CHL1: variants seen among roughly 807,000 people sequenced by gnomAD.
CHL1 encodes the protein cell adhesion molecule L1 like.
Under a neutral mutation model 141.9 loss-of-function variants are expected in CHL1, and 96 were observed. The ratio of observed to expected loss-of-function variants is 0.68; its 90% CI spans 0.57 to 0.80. The LOEUF is 0.80. CHL1 is among the 30% of genes least tolerant of loss of function. The pLI, the probability that CHL1 is intolerant of heterozygous loss-of-function variation, is 0.00. For missense variants in CHL1, 1,820 were observed against 1,457.2 expected (o/e 1.25, Z -4.05); for synonymous variants, 613 against 502.2 (o/e 1.22, Z -2.95).
intron 16 of CHL1, among the ~76,000 whole-genome samples, chr3:380,388 G>T (rs1200621183): frequency 6.6e-6 from 1 of 152,156 alleles, no homozygotes; most frequent in Non-Finnish European, 1.5e-5. Flanking sequence ...CCATTGAAAG[G>T]CTACATTAGA....
chr3:362,684 G>A (rs1028739152), intron 13 of CHL1, among the ~76,000 whole-genome samples: 1 of 152,088 alleles, frequency 6.6e-6, no homozygotes, highest in African/African-American at 2.4e-5. Context: ...AAATCAAGCT[G>A]TAGCAGCAAG....
chr3:327,423 A>T (rs200320764), intron 4 of CHL1, among the ~76,000 whole-genome samples: 3 of 142,948 alleles, frequency 2.1e-5, no homozygotes, highest in Non-Finnish European at 3.1e-5. Flanking sequence ...AACTGTGTAC[A>T]TTTTTTTTCT....
intron 27 of CHL1, among the ~76,000 whole-genome samples, chr3:402,308 A>C (rs1709209113): frequency 6.6e-6 from 1 of 152,176 alleles, no homozygotes; most frequent in African/African-American, 2.4e-5. Context: ...TGACCAAATG[A>C]GTGAGGGTGT....
chr3:267,400 T>A (rs1695251214), intron 2 of CHL1, among the ~76,000 whole-genome samples: 1 of 152,212 alleles, frequency 6.6e-6, no homozygotes, highest in Non-Finnish European at 1.5e-5. Flanking sequence ...TGGGGTGGGG[T>A]GGAATTATTC....
intron 24 of CHL1, among the ~76,000 whole-genome samples, chr3:396,805 G>GCCT (rs1708711492): frequency 6.6e-6 from 1 of 151,754 alleles, no homozygotes; most frequent in South Asian, 2.1e-4. Flanking sequence ...ATAAGTACAG[G>GCCT]GAAAAAAATT....
rs963525045 is a variant in CHL1 at position 197,870 on chromosome 3, C to A, written c.-175+807C>A. 6.5e-5 allele frequency: 23 copies of A among 356,160 alleles called. No homozygotes were observed. The African/African-American group carries it at 7.3e-4, about 11-fold the overall frequency. The allele number at this position is 356,160 out of a possible 1,614,324, so 22.1% of individuals were successfully genotyped here. ...CCTCTTTGTGCCTCTCTCTTTCTCTCGCTTTTTTTTTTTTTTTGGAGTGTG... is the reference window on the plus strand; with the variant it reads ...CCTCTTTGTGCCTCTCTCTTTCTCTAGCTTTTTTTTTTTTTTTGGAGTGTG... On this transcript the variant is annotated intron_variant, in intron 1 of 27. Transcript: ENST00000256509.
intron 2 of CHL1, among the ~76,000 whole-genome samples, chr3:252,541 C>T (rs1003690441): frequency 4.0e-5 from 6 of 151,394 alleles, no homozygotes; most frequent in Admixed American, 6.6e-5. Context: ...ATTGTCCTTA[C>T]GTTATAGGTT....
intron 2 of CHL1, among the ~76,000 whole-genome samples, chr3:274,403 T>G (rs1011575643): frequency 6.6e-6 from 1 of 152,184 alleles, no homozygotes; most frequent in East Asian, 1.9e-4. Context: ...AGTTGAACCA[T>G]GCTCAAAAAA....
At chr3:398,954 A>C (rs1354702551) in intron 25 of CHL1, 63 bp from the exon 26 acceptor site, 1 of 1,498,922 alleles carries the variant, frequency 6.7e-7, no homozygotes, top group African/African-American at 1.4e-5. Flanking sequence ...ATTTTCCCCA[A>C]TGTTACAGAA....
At chr3:299,363 T>C (rs985809568) in intron 2 of CHL1, among the ~76,000 whole-genome samples, 3 of 152,112 alleles carry the variant, frequency 2.0e-5, no homozygotes, top group East Asian at 3.8e-4. Flanking sequence ...ATGGGCTAAG[T>C]TAGCAGCATC....
intron 10 of CHL1, among the ~76,000 whole-genome samples, chr3:353,514 A>C (rs1703442246): frequency 6.6e-6 from 1 of 152,208 alleles, no homozygotes; most frequent in South Asian, 2.1e-4. Flanking sequence ...TTTAACTTGG[A>C]ATTTAACAAT....
At chr3:400,136 G>A (rs1188444591) in intron 26 of CHL1, among the ~76,000 whole-genome samples, 1 of 152,130 alleles carries the variant, frequency 6.6e-6, no homozygotes, top group Admixed American at 6.6e-5. Context: ...AGGTTACACT[G>A]CTATTTGTTT....
intron 1 of CHL1, among the ~76,000 whole-genome samples, chr3:210,775 C>G (rs1352021432): frequency 6.6e-6 from 1 of 152,156 alleles, no homozygotes; most frequent in Non-Finnish European, 1.5e-5. Flanking sequence ...AAATATGGAG[C>G]CCTCTGTTCC....
chr3:402,775 C>G (rs1164642767), intron 27 of CHL1, among the ~76,000 whole-genome samples: 2 of 151,126 alleles, frequency 1.3e-5, no homozygotes, highest in Non-Finnish European at 2.9e-5. Flanking sequence ...TAAATTCTTT[C>G]CAGAATAAAG....
At chr3:297,564 CAT>C (rs1188276685) in intron 2 of CHL1, among the ~76,000 whole-genome samples, 1 of 152,150 alleles carries the variant, frequency 6.6e-6, no homozygotes, top group South Asian at 2.1e-4. Flanking sequence ...GAGTATACAA[CAT>C]ATTATATTTT....
At chr3:354,571 C>G in intron 10 of CHL1, 69 bp from the exon 11 acceptor site, 1 of 1,521,500 alleles carries the variant, frequency 6.6e-7, no homozygotes, top group Non-Finnish European at 8.9e-7. Context: ...AGTAGAAATA[C>G]AGGCCTTAAC....
rs7609614 is a variant in CHL1, at chr3:301,426, A to G, written c.-94-18257A>G. 3.6e-3 allele frequency among the ~76,000 whole-genome samples: 544 copies of G among 152,322 alleles called. 8 individuals carry two copies. Among genetic ancestry groups the G allele is most frequent in the African/African-American group, 0.012 (519 of 41,564 alleles). ...TAAGAGAATTCATTGCCAACCTCCT[A>G]CTGGCTGTTCTGACCCAATAAACAA... On this transcript the variant is annotated intron_variant, in intron 2 of 27. Coordinates refer to ENST00000256509, the MANE Select transcript of CHL1 (RefSeq NM_006614.4).
chr3:372,459 G>A (rs1705760588), intron 15 of CHL1, among the ~76,000 whole-genome samples: 2 of 152,070 alleles, frequency 1.3e-5, no homozygotes, highest in Admixed American at 1.3e-4. Context: ...AGCTCCATCA[G>A]GTCATTTATA....
intron 2 of CHL1, among the ~76,000 whole-genome samples, chr3:258,295 GTT>G (rs1443702131): frequency 7.9e-5 from 12 of 152,198 alleles, no homozygotes; most frequent in Admixed American, 2.6e-4. Flanking sequence ...GTTATAGGTT[GTT>G]TCAGGCAACA....
Sources: gnomAD v4.1 joint callset for allele counts (sites outside exome capture counted in the v4.1 genomes callset) on GRCh38, gnomAD v4.1.1 for gene constraint, MANE v1.5 for transcripts, NCBI Gene and HGNC (gene_info 2026-07-23, HGNC 2026-07-21) for gene names.